ZBTB20: variants seen among roughly 807,000 people sequenced by gnomAD.
ZBTB20 encodes the protein zinc finger and BTB domain-containing protein 20.
A neutral mutation model predicts 56.9 loss-of-function variants in ZBTB20; 9 were observed. That is an observed-to-expected ratio of 0.16 (90% CI 0.10 to 0.28). The LOEUF (loss-of-function observed/expected upper bound fraction) is 0.28, where lower values mean the gene tolerates loss of function less well. Ranked by LOEUF, ZBTB20 falls within the 10% of genes least tolerant of loss-of-function variation. The pLI is 1.00. For missense variants in ZBTB20, 655 were observed against 1,003.0 expected, an observed-to-expected ratio of 0.65 and a Z score of 4.69; for synonymous variants, 417 against 420.7, an observed-to-expected ratio of 0.99 and a Z score of 0.11.
intron 7 of ZBTB20, among the ~76,000 whole-genome samples, chr3:114,436,442 G>C (rs1262038705): frequency 1.3e-5 from 2 of 152,150 alleles, no homozygotes; most frequent in African/African-American, 4.8e-5. Flanking sequence ...TCTGTAAAAA[G>C]AGGAGACTCG....
At chr3:114,900,011 C>T (rs760611089) in intron 4 of ZBTB20, among the ~76,000 whole-genome samples, 2 of 152,080 alleles carry the variant, frequency 1.3e-5, no homozygotes, top group African/African-American at 2.4e-5. Context: ...CCCACATCAC[C>T]GTTCACTTTA....
intron 6 of ZBTB20, among the ~76,000 whole-genome samples, chr3:114,602,530 G>C (rs2056839532): frequency 6.6e-6 from 1 of 151,822 alleles, no homozygotes. Flanking sequence ...ACTGACTTCT[G>C]ATATGCTTTG....
chr3:114,880,185 T>C (rs929828688), intron 4 of ZBTB20, among the ~76,000 whole-genome samples: 45 of 152,318 alleles, frequency 3.0e-4, no homozygotes, highest in Non-Finnish European at 5.3e-4. Context: ...TGGGGTGTGC[T>C]TGAAGGGTCA....
At chr3:114,902,098 C>A (rs1324610054) in intron 3 of ZBTB20, among the ~76,000 whole-genome samples, 1 of 152,112 alleles carries the variant, frequency 6.6e-6, no homozygotes, top group Non-Finnish European at 1.5e-5. Flanking sequence ...GTGAGAAACA[C>A]CCTCACTGCT....
chr3:114,825,131 T>C (rs1306099659), intron 4 of ZBTB20, among the ~76,000 whole-genome samples: 8 of 151,942 alleles, frequency 5.3e-5, no homozygotes, highest in African/African-American at 1.7e-4. Context: ...GCACTGCTGG[T>C]TGCTGATCAT....
chr3:114,839,148 C>G (rs1170000858), intron 4 of ZBTB20, among the ~76,000 whole-genome samples: 1 of 152,070 alleles, frequency 6.6e-6, no homozygotes, highest in Admixed American at 6.6e-5. Flanking sequence ...TGCCTATAAT[C>G]CCAGCACTTT....
At chr3:114,457,399 T>C (rs1197348347) in intron 7 of ZBTB20, among the ~76,000 whole-genome samples, 1 of 152,184 alleles carries the variant, frequency 6.6e-6, no homozygotes, top group African/African-American at 2.4e-5. Context: ...ATTATGGATG[T>C]GCTGAGTGTG....
At chr3:114,567,115 G>C (rs1257859884) in intron 6 of ZBTB20, among the ~76,000 whole-genome samples, 2 of 152,186 alleles carry the variant, frequency 1.3e-5, no homozygotes, top group African/African-American at 4.8e-5. Context: ...TGGCCACACA[G>C]GGTGTTATGT....
chr3:114,969,310 G>A (rs933042496), intron 3 of ZBTB20, among the ~76,000 whole-genome samples: 1 of 152,132 alleles, frequency 6.6e-6, no homozygotes, highest in African/African-American at 2.4e-5. Context: ...CAATTGTGGA[G>A]AGAAAAATCC....
intron 5 of ZBTB20, among the ~76,000 whole-genome samples, chr3:114,712,608 G>A (rs2064168091): frequency 6.7e-6 from 1 of 150,180 alleles, no homozygotes; most frequent in Non-Finnish European, 1.5e-5. Context: ...AGCCGAGATC[G>A]TGCCATTGCA....
intron 5 of ZBTB20, among the ~76,000 whole-genome samples, chr3:114,717,649 A>G (rs1389915661): frequency 1.3e-5 from 2 of 152,062 alleles, no homozygotes. Context: ...TTCACCCCCC[A>G]TTTTGATTCT....
chr3:114,457,214 T>C (rs911423525), intron 7 of ZBTB20, among the ~76,000 whole-genome samples: 2 of 152,226 alleles, frequency 1.3e-5, no homozygotes, highest in Admixed American at 6.5e-5. Context: ...CATATTTATA[T>C]ATAACACTGC....
intron 5 of ZBTB20, among the ~76,000 whole-genome samples, chr3:114,751,774 A>G (rs1041448827): frequency 6.6e-6 from 1 of 152,162 alleles, no homozygotes; most frequent in African/African-American, 2.4e-5. Context: ...CTATCTAGAA[A>G]CAGAAATTTA....
chr3:114,444,460 C>T (rs1191880033), intron 7 of ZBTB20, among the ~76,000 whole-genome samples: 1 of 152,066 alleles, frequency 6.6e-6, no homozygotes, highest in Non-Finnish European at 1.5e-5. Flanking sequence ...AAATAGAAAC[C>T]CTGAGGGTCT....
At chr3:115,109,501 T>G (rs2083814900) in intron 1 of ZBTB20, among the ~76,000 whole-genome samples, 4 of 152,214 alleles carry the variant, frequency 2.6e-5, no homozygotes, top group Admixed American at 6.5e-5. Context: ...ATACACTTTC[T>G]CATTTAATCC....
chr3:114,955,357 T>G (rs2077210845), intron 3 of ZBTB20, among the ~76,000 whole-genome samples: 1 of 152,220 alleles, frequency 6.6e-6, no homozygotes, highest in African/African-American at 2.4e-5. Flanking sequence ...GCCTGAGTTC[T>G]GTTTACAGAG....
At chr3:114,889,770 T>C (rs897350568) in intron 4 of ZBTB20, among the ~76,000 whole-genome samples, 1 of 152,140 alleles carries the variant, frequency 6.6e-6, no homozygotes, top group African/African-American at 2.4e-5. Context: ...TCTGGAATTC[T>C]TGCTTCTTTT....
At chr3:114,883,714 T>C (rs1053963291) in intron 4 of ZBTB20, among the ~76,000 whole-genome samples, 1 of 152,068 alleles carries the variant, frequency 6.6e-6, no homozygotes, top group African/African-American at 2.4e-5. Flanking sequence ...TTATATATTT[T>C]TAAAGCAAAA....
At position 114,645,544 on chromosome 3, in the gene ZBTB20, A is replaced by G. The variant is rs541819955; in HGVS notation, c.-295+47984T>C. ...TAGTTTCAGCCAGCTGTTTCCTTACATCTTTCTGGGTGGCATCAGTTTACA... is the reference window on the plus strand; with the variant it reads ...TAGTTTCAGCCAGCTGTTTCCTTACGTCTTTCTGGGTGGCATCAGTTTACA... On this transcript the variant is annotated intron_variant, in intron 6 of 11. Transcript: ENST00000675478. 1.1e-4 allele frequency among the ~76,000 whole-genome samples: 17 copies of G among 152,092 alleles called. No individual in the cohort carries two copies. In the East Asian group the frequency reaches 2.3e-3, roughly 21 times the overall value.
Sources: allele counts gnomAD v4.1 joint callset (sites outside exome capture counted in the v4.1 genomes callset), GRCh38; gene constraint gnomAD v4.1.1; transcripts MANE v1.5; gene names NCBI Gene and HGNC (gene_info 2026-07-23, HGNC 2026-07-21).